The following UBA7 variants were observed in gnomAD, a reference collection of about 807,000 sequenced individuals.
The protein encoded by UBA7 is ubiquitin like modifier activating enzyme 7.
UBA7 carries 88 observed loss-of-function variants against 113.0 expected under a neutral mutation model. The ratio of observed to expected loss-of-function variants is 0.78; its 90% confidence interval spans 0.66 to 0.93. The LOEUF is 0.93. Ranked by LOEUF, UBA7 falls within the 40% of genes least tolerant of loss-of-function variation. The pLI is 0.00. For missense variants in UBA7, 1,092 were observed against 1,266.4 expected, an observed-to-expected ratio of 0.86 and a Z score of 2.09; for synonymous variants, 459 against 513.0, an observed-to-expected ratio of 0.89 and a Z score of 1.42.
In UBA7 at chr3:49,810,979, C is replaced by G. The variant is rs1575376306; in HGVS notation, c.1230+5G>C. 3.1e-6 allele frequency: 5 copies of G among 1,613,882 alleles called. No homozygotes were observed. Among genetic ancestry groups the G allele is most frequent in the African/African-American group, 1.3e-5 (1 of 74,924 alleles). On this transcript the variant is annotated splice_donor_5th_base_variant and intron_variant, in intron 10 of 23. Coordinates refer to ENST00000333486, the MANE Select transcript of UBA7 (RefSeq NM_003335.3). The surrounding 1 kb of genome is among the most constrained non-coding windows in gnomAD (Gnocchi z 5.6). Reference sequence around the variant, plus strand: ...AAGGCTTGCACCCCTATCCCAGGCTCTCACCAGGGCACAGTCCTCAGGACT... The same window carrying G: ...AAGGCTTGCACCCCTATCCCAGGCTGTCACCAGGGCACAGTCCTCAGGACT...
At position 49,809,641 on chromosome 3, in the gene UBA7, T is replaced by C; in HGVS notation, c.1989A>G (p.Pro663=). 6 of 1,614,108 alleles carry C rather than the reference T, an allele frequency of 3.7e-6. No individual in the cohort carries two copies. The highest frequency in any genetic ancestry group is 5.1e-6 in the Non-Finnish European group (6 of 1,180,030). ...KPVLGVLRVR[P]QNWQDCVAWA... is the part of the protein sequence containing the mutation. Reference sequence around the variant, plus strand: ...ACGCCACACAGTCTTGCCAGTTCTGTGGACGCACTCTCAGGACCCCAAGCA... The same window carrying C: ...ACGCCACACAGTCTTGCCAGTTCTGCGGACGCACTCTCAGGACCCCAAGCA... The change falls in exon 16 of 24, where the codon CCA becomes CCG. Residue 663 remains proline, a synonymous_variant. Transcript: ENST00000333486.
Position 49,809,030 on chromosome 3 carries a change from T to A in UBA7, c.2293A>T (p.Met765Leu). Residue 765 changes from methionine to leucine, a missense_variant, in exon 18 of 24, where the codon ATG (methionine) becomes TTG (leucine). Around this residue, in one of 3 missense-constraint regions of UBA7, gnomAD observed 500 missense variants for 529.3 expected, o/e 0.94. Transcript: ENST00000333486. ...AGATTACTAGCAAAGATGGGGGCCA[T>A]CTGTTGGGGGTCAGGCTGTGGCAGC... ...KLLPQPDPQQ[M>L]APIFASNLEL... 1 of 1,613,822 alleles carries A rather than the reference T, an allele frequency of 6.2e-7. No individual in the cohort carries two copies. Among genetic ancestry groups the A allele is most frequent in the Non-Finnish European group, 8.5e-7 (1 of 1,179,982 alleles).
Position 49,811,471 on chromosome 3 carries a change from T to C in UBA7, c.940-16A>G. On this transcript the variant is annotated splice_polypyrimidine_tract_variant and intron_variant, in intron 8 of 23. Transcript: ENST00000333486. The stretch of plus-strand genomic sequence containing the variant: ...CTGCATCAACCTGTTGGTAGGACTC[T>C]GTGGGCATAGTAGCCCCAGCCTGAG... The C allele has an allele frequency of 6.4e-7, 1 of 1,558,862 alleles. No homozygotes were observed. The highest frequency in any genetic ancestry group is 1.9e-5 in the Admixed American group (1 of 51,446).
chr3:49,805,759 C>T, intron 23 of UBA7, 138 bp downstream of exon 23: 1 of 926,084 alleles, frequency 1.1e-6, no homozygotes, highest in South Asian at 1.6e-5. Flanking sequence ...AGCCTGTTTG[C>T]TGGCTCCATT....
At chr3:49,813,422 C>T (rs752174926) in intron 2 of UBA7, 39 bp from the exon 3 acceptor site, 2 of 1,609,658 alleles carry the variant, frequency 1.2e-6, no homozygotes, top group Non-Finnish European at 1.7e-6. Flanking sequence ...AAAGACACTC[C>T]TCTTGGGCCG....
rs757115951 is a variant in UBA7, at chr3:49,810,013, G to A, written c.1804C>T (p.Arg602Trp). 5.0e-6 allele frequency: 8 copies of A among 1,613,838 alleles called. No individual in the cohort carries two copies. Among genetic ancestry groups the A allele is most frequent in the African/African-American group, 1.3e-5 (1 of 75,030 alleles). ...TGCTCGGCTGTGCTAGGGAAGTACC[G>A]CACGGTACAGACAGGGTAGGGGGCA... ...EDAPYPVCTV[R>W]YFPSTAEHTL... The change falls in exon 14 of 24, where the codon CGG becomes TGG. Residue 602 changes from arginine (R) to tryptophan (W), a missense_variant. Around this residue, in one of 3 missense-constraint regions of UBA7, gnomAD observed 500 missense variants for 529.3 expected, o/e 0.94. Coordinates refer to ENST00000333486, the MANE Select transcript of UBA7 (RefSeq NM_003335.3). This position sits in a 1 kb window ranked among gnomAD's most constrained non-coding sequence, Gnocchi z 5.6.
intron 8 of UBA7, 156 bp from the exon 9 acceptor site, chr3:49,811,611 C>T (rs1404977195): frequency 1.4e-5 from 16 of 1,180,702 alleles, no homozygotes; most frequent in African/African-American, 3.1e-5. Context: ...CACAGCACCA[C>T]CAGAGGATGC....
At position 49,811,413 on chromosome 3, in the gene UBA7, G is replaced by A; in HGVS notation, c.982C>T (p.Pro328Ser). The change falls in exon 9 of 24, where the codon CCA (proline) becomes TCA (serine). Residue 328 changes from proline to serine, a missense_variant. Pro to Ser is a moderately conservative substitution (Grantham distance 74). This residue lies in a region of UBA7 where 584 missense variants were observed against 714.5 expected (regional missense o/e 0.82). Coordinates refer to ENST00000333486, the MANE Select transcript of UBA7 (RefSeq NM_003335.3). ...GGCTCTTCCTCTGTCCGCTTCAGTG[G>A]TTCCAGGTCCCGGGCCAGGCCCACC... is the stretch of plus-strand genomic sequence containing the variant. ...TVVGLARDLE[P>S]LKRTEEEPLE... is the part of the protein sequence containing the mutation. The A allele has an allele frequency of 6.2e-7, 1 of 1,606,642 alleles. No homozygotes were observed. The highest frequency in any genetic ancestry group is 8.5e-7 in the Non-Finnish European group (1 of 1,176,796).
chr3:49,811,735 T>C, intron 8 of UBA7, 135 bp downstream of exon 8: 13 of 1,457,814 alleles, frequency 8.9e-6, no homozygotes, highest in East Asian at 2.3e-5. Flanking sequence ...GGCACTTCCA[T>C]GGAACCAGTC....
In UBA7 at chr3:49,813,629, A is replaced by C; in HGVS notation, c.75T>G (p.Pro25=). ...TGGCTCCCTGAATCCTCTGCATGGC[A>C]GGTGAGCCCAGCACATACCTGTGGA... is the stretch of plus-strand genomic sequence containing the variant. The part of the protein sequence containing the change: ...YSRQLYVLGS[P]AMQRIQGARV... The change falls in exon 2 of 24, where the codon CCT becomes CCG. Residue 25 remains proline, a synonymous_variant. Transcript: ENST00000333486. 6.2e-7 allele frequency: 1 copy of C among 1,614,244 alleles called. No individual in the cohort carries two copies. Among genetic ancestry groups the C allele is most frequent in the Non-Finnish European group, 8.5e-7 (1 of 1,180,050 alleles).
chr3:49,810,523 G>A lies in UBA7; in HGVS notation c.1461C>T (p.Asp487=), dbSNP rs753570282. The change falls in exon 12 of 24, where the codon GAC becomes GAT. Residue 487 remains aspartate (D), a synonymous_variant. Transcript: ENST00000333486. This position sits in a 1 kb window ranked among gnomAD's most constrained non-coding sequence, Gnocchi z 5.6. ...LSRQFLFRSQ[D]VGRPKAEVAA... ...GAGAGGGGTCAGCACTCACACCAAC[G>A]TCCTGGGACCTGAAGAGGAACTGAC... 12 of 1,614,116 alleles carry A rather than the reference G, an allele frequency of 7.4e-6. No homozygotes were observed. The highest frequency in any genetic ancestry group is 3.3e-4 in the Middle Eastern group (2 of 6,062).
Position 49,812,716 on chromosome 3 carries a change from CA to C in UBA7, c.489del (p.Glu164ArgfsTer14). 2 of 1,614,182 alleles carry C rather than the reference CA, an allele frequency of 1.2e-6. No individual in the cohort carries two copies. Among genetic ancestry groups the C allele is most frequent in the Non-Finnish European group, 1.7e-6 (2 of 1,180,040 alleles). On this transcript the variant is annotated frameshift_variant, in exon 5 of 24. Coordinates refer to ENST00000333486, the MANE Select transcript of UBA7 (RefSeq NM_003335.3). LOFTEE classifies it high-confidence loss of function. ...GTGGGGTCCTGCACAGTGAAGTCCT[CA>C]CCAAAGTCACAGAACAACTGCCTGA... ...GLVGQLFCDF[G>X]EDFTVQDPTE...
rs772613603 is a variant in UBA7 at position 49,812,412 on chromosome 3, C to T, written c.690G>A (p.Val230=). The T allele has an allele frequency of 1.2e-6, 2 of 1,614,214 alleles. No homozygotes were observed. Among genetic ancestry groups the T allele is most frequent in the South Asian group, 2.2e-5 (2 of 91,082 alleles). ...ATTGGAATGGGATTGGCTTACCCCG[C>T]ACGTGGATAGACCGGGGATCACAGT... ...LNDCDPRSIH[V]REDGSLEIGD... Residue 230 remains valine, a synonymous_variant, in exon 6 of 24, where the codon GTG becomes GTA. Coordinates refer to ENST00000333486, the MANE Select transcript of UBA7 (RefSeq NM_003335.3).
At chr3:49,811,833 G>T in intron 8 of UBA7, 37 bp downstream of exon 8, 1 of 1,607,778 alleles carries the variant, frequency 6.2e-7, no homozygotes, top group South Asian at 1.1e-5. Context: ...CCCAATAAAT[G>T]ACAGAGGCTG....
chr3:49,810,890 G>A lies in UBA7; in HGVS notation c.1231-58C>T, dbSNP rs1575376217. The A allele has an allele frequency of 1.2e-6, 2 of 1,611,770 alleles. No homozygotes were observed. The highest frequency in any genetic ancestry group is 2.2e-5 in the East Asian group (1 of 44,874). On this transcript the variant is annotated intron_variant, in intron 10 of 23. Transcript: ENST00000333486. This position sits in a 1 kb window ranked among gnomAD's most constrained non-coding sequence, Gnocchi z 5.6. ...CTGGCCTGCATCTCCTTCTTATACT[G>A]AGTTTTCTGAATCAGGACCTGGAGG...
In UBA7 at chr3:49,811,878, A is replaced by G. The variant is rs1258643484; in HGVS notation, c.931T>C (p.Trp311Arg). 6.2e-7 allele frequency: 1 copy of G among 1,613,588 alleles called. No homozygotes were observed. Among genetic ancestry groups the G allele is most frequent in the Admixed American group, 1.7e-5 (1 of 60,026 alleles). Residue 311 changes from tryptophan (W) to arginine (R), a missense_variant, in exon 8 of 24, where the codon TGG becomes CGG. Around this residue, in one of 3 missense-constraint regions of UBA7, gnomAD observed 584 missense variants for 714.5 expected, o/e 0.82. Coordinates refer to ENST00000333486, the MANE Select transcript of UBA7 (RefSeq NM_003335.3). ...QHLHGRPPQP[W>R]DPVDAETVVG... is the part of the protein sequence containing the mutation. ...GCAACAGGACTACTCACAGGATCCC[A>G]GGGCTGGGGTGGCCGGCCATGGAGG...
rs1476235909 is a variant in UBA7, at chr3:49,813,395, G to A, written c.226-12C>T. 3.1e-6 allele frequency: 5 copies of A among 1,611,912 alleles called. No individual in the cohort carries two copies. The highest frequency in any genetic ancestry group is 2.7e-5 in the African/African-American group (2 of 74,900). On this transcript the variant is annotated splice_polypyrimidine_tract_variant and intron_variant, in intron 2 of 23. Coordinates refer to ENST00000333486, the MANE Select transcript of UBA7 (RefSeq NM_003335.3). ...TCTGAGAGGAGAAACTAGGGAGAGA[G>A]CCAGTGCAGCCTGAGCAAAGACACT...
Position 49,812,389 on chromosome 3 carries a change from T to C in UBA7, c.694+19A>G. 1 of 1,613,926 alleles carries C rather than the reference T, an allele frequency of 6.2e-7. No homozygotes were observed. Among genetic ancestry groups the C allele is most frequent in the Non-Finnish European group, 8.5e-7 (1 of 1,179,860 alleles). On this transcript the variant is annotated intron_variant, in intron 6 of 23. Transcript: ENST00000333486. ...GAGGCTTGGGCCCTGCACCTGGAAT[T>C]GGAATGGGATTGGCTTACCCCGCAC...
chr3:49,813,875 G>A lies in UBA7; in HGVS notation c.-88C>T, dbSNP rs571510754. ...CGGTGACAGTAGGGGCCAGTGCCCT[G>A]CTGTAGCCAGTGCAAACAGGAACCA... On this transcript the variant is annotated 5_prime_UTR_variant, in exon 1 of 24. Coordinates refer to ENST00000333486, the MANE Select transcript of UBA7 (RefSeq NM_003335.3). 3.4e-6 allele frequency: 5 copies of A among 1,484,436 alleles called. No homozygotes were observed. The highest frequency in any genetic ancestry group is 1.9e-5 in the Admixed American group (1 of 53,610). The allele number at this position is 1,484,436 out of a possible 1,614,324, so 92.0% of individuals were successfully genotyped here.
Sources: allele counts gnomAD v4.1 joint callset, GRCh38; gene constraint gnomAD v4.1.1; regional missense constraint gnomAD v4.1.1; non-coding constraint Gnocchi (gnomAD v3.1); transcripts MANE v1.5; gene names NCBI Gene and HGNC (gene_info 2026-07-23, HGNC 2026-07-21).